Variants in LRFN5 observed in about 807,000 individuals in gnomAD.
The protein encoded by LRFN5 is leucine rich repeat and fibronectin type III domain containing 5, also known as leucine-rich repeat and fibronectin type-III domain-containing protein 5.
Under a neutral mutation model 45.6 loss-of-function variants are expected in LRFN5, and 24 were observed. The ratio of observed to expected loss-of-function variants is 0.53; its 90% CI spans 0.38 to 0.74. The LOEUF is 0.74. Among genes scored for constraint, LRFN5 ranks in the 30% least tolerant of loss-of-function variants. The pLI is 0.00. For synonymous variants in LRFN5, 340 were observed against 313.8 expected (o/e 1.08, Z -0.88); for missense variants, 776 against 861.5 (o/e 0.90, Z 1.24).
At position 41,887,487 on chromosome 14, in the gene LRFN5, C is replaced by A; in HGVS notation, c.862C>A (p.Leu288Ile). The A allele has an allele frequency of 1.4e-5, 23 of 1,614,186 alleles. No homozygotes were observed. Among genetic ancestry groups the A allele is most frequent in the Non-Finnish European group, 1.9e-5 (23 of 1,180,034 alleles). The change falls in exon 3 of 6, where the codon CTC (leucine) becomes ATC (isoleucine). Residue 288 changes from leucine to isoleucine, a missense_variant. Around this residue, in one of 2 missense-constraint regions of LRFN5, gnomAD observed 311 missense variants for 405.1 expected, o/e 0.77. Coordinates refer to ENST00000298119, the MANE Select transcript of LRFN5 (RefSeq NM_152447.5). This position sits in a 1 kb window ranked among gnomAD's most constrained non-coding sequence, Gnocchi z 4.8. ...AGAAGAGTTTTTGTGTGAGCCTCCTCTCATTACTCGTCATACACATGAGAT... is the reference window on the plus strand; with the variant it reads ...AGAAGAGTTTTTGTGTGAGCCTCCTATCATTACTCGTCATACACATGAGAT... Reference protein sequence around the residue: ...PEEEFLCEPPLITRHTHEMRV... With the variant: ...PEEEFLCEPPIITRHTHEMRV...
intron 1 of LRFN5, among the ~76,000 whole-genome samples, chr14:41,754,814 A>G (rs1244980584): frequency 6.6e-6 from 1 of 151,988 alleles, no homozygotes; most frequent in Non-Finnish European, 1.5e-5. Context: ...TAGCTGTTGA[A>G]TATGTTTGCT....
intron 2 of LRFN5, among the ~76,000 whole-genome samples, chr14:41,884,925 T>TAA (rs1299747749): frequency 6.6e-6 from 1 of 152,174 alleles, no homozygotes; most frequent in Admixed American, 6.5e-5. Flanking sequence ...ATTAAATAAT[T>TAA]AAAAGTCATA....
intron 1 of LRFN5, among the ~76,000 whole-genome samples, chr14:41,690,658 T>C (rs1882340402): frequency 6.6e-6 from 1 of 152,190 alleles, no homozygotes; most frequent in Admixed American, 6.5e-5. Context: ...ATAAAGGACA[T>C]CTATGAAAAA....
At chr14:41,823,157 T>C (rs1888180579) in intron 2 of LRFN5, among the ~76,000 whole-genome samples, 2 of 152,096 alleles carry the variant, frequency 1.3e-5, no homozygotes, top group South Asian at 4.1e-4. Context: ...ATATGTGACT[T>C]ATTGTTTCTG....
intron 1 of LRFN5, among the ~76,000 whole-genome samples, chr14:41,673,381 CCGGG>C: frequency 1.4e-5 from 2 of 143,916 alleles, no homozygotes; most frequent in African/African-American, 5.6e-5. Context: ...GGGCGGCTGG[CCGGG>C]CAGGGGGCTG....
At chr14:41,652,334 AT>A (rs1017780713) in intron 1 of LRFN5, among the ~76,000 whole-genome samples, 1 of 151,876 alleles carries the variant, frequency 6.6e-6, no homozygotes, top group Non-Finnish European at 1.5e-5. Context: ...ATAAAGATGA[AT>A]TTTTTTTGTG....
chr14:41,727,263 A>G (rs370570071), intron 1 of LRFN5, among the ~76,000 whole-genome samples: 14 of 152,190 alleles, frequency 9.2e-5, no homozygotes, highest in East Asian at 3.9e-4. Flanking sequence ...AACGACAGTT[A>G]GTATTAAAAC....
intron 2 of LRFN5, among the ~76,000 whole-genome samples, chr14:41,775,559 T>C (rs1207705563): frequency 6.6e-6 from 1 of 152,134 alleles, no homozygotes; most frequent in African/African-American, 2.4e-5. Context: ...GGAAAACAAA[T>C]AACCTTTTCA....
At chr14:41,801,229 T>TA (rs1254850173) in intron 2 of LRFN5, among the ~76,000 whole-genome samples, 1 of 152,008 alleles carries the variant, frequency 6.6e-6, no homozygotes, top group Admixed American at 6.6e-5. Context: ...TATCTGCATA[T>TA]AAAAAATGGA....
intron 1 of LRFN5, among the ~76,000 whole-genome samples, chr14:41,682,020 A>G (rs1317970155): frequency 6.6e-6 from 1 of 151,340 alleles, no homozygotes; most frequent in African/African-American, 2.4e-5. Flanking sequence ...GTTTCACCAT[A>G]TTGTCCGGGC....
intron 1 of LRFN5, among the ~76,000 whole-genome samples, chr14:41,618,291 G>A (rs1774347755): frequency 6.6e-6 from 1 of 152,138 alleles, no homozygotes; most frequent in Non-Finnish European, 1.5e-5. Context: ...AAGAATAGAT[G>A]TGTGTTTCTC....
chr14:41,698,107 A>G (rs1370522640), intron 1 of LRFN5, among the ~76,000 whole-genome samples: 1 of 151,996 alleles, frequency 6.6e-6, no homozygotes, highest in Non-Finnish European at 1.5e-5. Context: ...ATAGATTTAC[A>G]CTTAGGTGCT....
intron 1 of LRFN5, among the ~76,000 whole-genome samples, chr14:41,760,714 CAG>C (rs1345182369): frequency 4.0e-5 from 6 of 150,338 alleles, no homozygotes; most frequent in East Asian, 2.0e-4. Context: ...AGAAGGGAAT[CAG>C]GGAGGGATAG....
chr14:41,665,106 T>G (rs1444809398), intron 1 of LRFN5, among the ~76,000 whole-genome samples: 1 of 152,084 alleles, frequency 6.6e-6, no homozygotes, highest in African/African-American at 2.4e-5. Context: ...TTTTTATTTT[T>G]TAATTTGGCA....
intron 2 of LRFN5, among the ~76,000 whole-genome samples, chr14:41,779,251 G>A (rs1286043445): frequency 1.3e-5 from 2 of 151,740 alleles, no homozygotes; most frequent in African/African-American, 2.4e-5. Flanking sequence ...CAGTTGATAT[G>A]ACTTTTTTTG....
chr14:41,752,706 T>C (rs1233855984), intron 1 of LRFN5, among the ~76,000 whole-genome samples: 1 of 152,180 alleles, frequency 6.6e-6, no homozygotes, highest in Admixed American at 6.5e-5. Flanking sequence ...TTTCTGCCAT[T>C]CTGTAGGTTG....
intron 2 of LRFN5, among the ~76,000 whole-genome samples, chr14:41,778,011 TGGG>T (rs71102200): frequency 0.2 from 22,284 of 112,664 alleles, 2,018 homozygotes; most frequent in African/African-American, 0.24. Context: ...TTTTTTTTGG[TGGG>T]GGGGGGGGAT....
intron 2 of LRFN5, among the ~76,000 whole-genome samples, chr14:41,863,998 T>G (rs1889758692): frequency 6.6e-6 from 1 of 152,198 alleles, no homozygotes; most frequent in Non-Finnish European, 1.5e-5. Flanking sequence ...GCAGAGGACA[T>G]GAACTCATCC....
At chr14:41,748,210 T>C (rs1255484327) in intron 1 of LRFN5, among the ~76,000 whole-genome samples, 1 of 152,062 alleles carries the variant, frequency 6.6e-6, no homozygotes, top group Non-Finnish European at 1.5e-5. Context: ...TATCAAAAAA[T>C]GTATTTGTAT....
Sources: gnomAD v4.1 joint callset for allele counts (sites outside exome capture counted in the v4.1 genomes callset) on GRCh38, gnomAD v4.1.1 for gene constraint, gnomAD v4.1.1 regional missense constraint, Gnocchi (gnomAD v3.1) non-coding constraint, MANE v1.5 for transcripts, NCBI Gene and HGNC (gene_info 2026-07-23, HGNC 2026-07-21) for gene names.